Variants in STYX observed in about 807,000 individuals in gnomAD.
STYX encodes the protein serine/threonine/tyrosine interacting protein, also known as serine/threonine/tyrosine-interacting protein.
In STYX, 20 loss-of-function variants were observed where a neutral mutation model predicts 42.7. The observed-to-expected ratio is 0.47, with a 90% CI of 0.33 to 0.68. The LOEUF is 0.68. Among genes scored for constraint, STYX ranks in the 30% least tolerant of loss-of-function variants. The pLI is 0.02. For missense variants in STYX, 226 were observed against 268.5 expected, an observed-to-expected ratio of 0.84 and a Z score of 1.11; for synonymous variants, 78 against 81.9, an observed-to-expected ratio of 0.95 and a Z score of 0.26.
chr14:52,746,499 C>T lies in STYX; in HGVS notation c.144+20C>T, dbSNP rs779325305. On this transcript the variant is annotated intron_variant, in intron 3 of 10. Coordinates refer to ENST00000354586, the MANE Select transcript of STYX (RefSeq NM_145251.4). The stretch of plus-strand genomic sequence containing the variant: ...AGCAAGGTATGAACTTTGTTAGATT[C>T]ATCAAGAGAGACTTTTATTAACCAA... 6.5e-7 allele frequency: 1 copy of T among 1,546,676 alleles called. No individual in the cohort carries two copies. Among genetic ancestry groups the T allele is most frequent in the Non-Finnish European group, 8.6e-7 (1 of 1,157,248 alleles).
chr14:52,746,557 G>A (rs2139896763), intron 3 of STYX, 78 bp downstream of exon 3: 1 of 1,289,012 alleles, frequency 7.8e-7, no homozygotes, highest in East Asian at 2.7e-5. Context: ...GTAATAAAGA[G>A]TTTTATTTTA....
intron 1 of STYX, among the ~76,000 whole-genome samples, chr14:52,741,271 T>G (rs1018688626): frequency 1.3e-5 from 2 of 150,564 alleles, no homozygotes; most frequent in African/African-American, 2.4e-5. Context: ...TGGCTAGATA[T>G]TATAATAGGG....
intron 1 of STYX, among the ~76,000 whole-genome samples, chr14:52,739,140 G>A (rs1489190087): frequency 6.8e-6 from 1 of 147,326 alleles, no homozygotes; most frequent in East Asian, 2.0e-4. Flanking sequence ...TTTTTTTTTG[G>A]TATACACTTT....
At chr14:52,731,492 A>G (rs1170032323) in intron 1 of STYX, 5 of 134,238 alleles carry the variant, frequency 3.7e-5, no homozygotes, top group Admixed American at 8.9e-5. Context: ...CTGGAGTGCA[A>G]TGTGGCGCGA....
chr14:52,764,543 T>C (rs972049201), intron 9 of STYX, among the ~76,000 whole-genome samples: 2 of 152,178 alleles, frequency 1.3e-5, no homozygotes, highest in African/African-American at 4.8e-5. Flanking sequence ...TTATCTATTA[T>C]TATTTCATAT....
At chr14:52,757,954 G>A in intron 8 of STYX, 30 bp downstream of exon 8, 2 of 1,600,556 alleles carry the variant, frequency 1.2e-6, no homozygotes, top group East Asian at 4.5e-5. Context: ...CCTAGCCACA[G>A]TTTAAATTCT....
At chr14:52,763,715 G>A (rs1882188527) in intron 9 of STYX, among the ~76,000 whole-genome samples, 1 of 151,756 alleles carries the variant, frequency 6.6e-6, no homozygotes, top group Non-Finnish European at 1.5e-5. Flanking sequence ...ATTTTTTGAT[G>A]TTTTCTTTGT....
intron 1 of STYX, among the ~76,000 whole-genome samples, chr14:52,732,804 G>A (rs1322478169): frequency 6.6e-6 from 1 of 151,824 alleles, no homozygotes; most frequent in African/African-American, 2.4e-5. Flanking sequence ...CTGAGTAGCT[G>A]GGATTACAGG....
In STYX at chr14:52,730,195, C is replaced by T. The variant is rs1451821923; in HGVS notation, c.-280C>T. The T allele has an allele frequency of 4.0e-6, 2 of 496,844 alleles. No homozygotes were observed. The highest frequency in any genetic ancestry group is 3.4e-5 in the East Asian group (1 of 29,684). 30.8% of individuals were successfully genotyped at this position (496,844 alleles called of 1,614,324 possible). On this transcript the variant is annotated 5_prime_UTR_variant, in exon 1 of 11. Coordinates refer to ENST00000354586, the MANE Select transcript of STYX (RefSeq NM_145251.4). The stretch of plus-strand genomic sequence containing the variant: ...GTCGGGCTGGTTCCTGTGCTGGATC[C>T]TGGGCGGCCTGAGGGGTACGGAGAC...
At chr14:52,735,240 G>T (rs536594877) in intron 1 of STYX, among the ~76,000 whole-genome samples, 1 of 152,062 alleles carries the variant, frequency 6.6e-6, no homozygotes, top group Non-Finnish European at 1.5e-5. Flanking sequence ...TGGCCATCTG[G>T]GGTCACACCT....
Position 52,767,959 on chromosome 14 carries a change from A to G in STYX, c.505-881A>G, listed in dbSNP as rs574140896. On this transcript the variant is annotated intron_variant, in intron 9 of 10. Transcript: ENST00000354586. ...CCAAATTTCACTTCCGCCTTACCAT[A>G]CTTAAACAGCCTGCTGCTTGCAAAA... 5.2e-4 allele frequency among the ~76,000 whole-genome samples: 79 copies of G among 152,234 alleles called. 3 individuals carry two copies. Among genetic ancestry groups the G allele is most frequent in the Non-Finnish European group, 8.8e-5 (6 of 68,016 alleles).
At chr14:52,743,026 C>T (rs979721359) in intron 1 of STYX, among the ~76,000 whole-genome samples, 2 of 151,690 alleles carry the variant, frequency 1.3e-5, no homozygotes, top group Non-Finnish European at 2.9e-5. Context: ...AAATTCCTAA[C>T]CTCAGGTGAT....
rs576835029 is a variant in STYX at position 52,762,770 on chromosome 14, T to G, written c.504+3016T>G. Among the ~76,000 whole-genome samples, 7 of 152,146 alleles carry G rather than the reference T, an allele frequency of 4.6e-5. No homozygotes were observed. The East Asian group carries it at 1.3e-3, about 29-fold the overall frequency. ...ACCATAATGTTTTATCTAATTCAGT[T>G]ATTCATTATTTCATTCATTCATATA... On this transcript the variant is annotated intron_variant, in intron 9 of 10. Coordinates refer to ENST00000354586, the MANE Select transcript of STYX (RefSeq NM_145251.4).
chr14:52,767,515 TTTGAGTAAGACCTAACTGGTTCC>T (rs1366982605), intron 9 of STYX, among the ~76,000 whole-genome samples: 1 of 152,228 alleles, frequency 6.6e-6, no homozygotes, highest in East Asian at 1.9e-4. Context: ...TTGCAAAATC[TTTGAGTAAGACCTAACTGGTTCC>T]TTCTTGATTA....
intron 1 of STYX, among the ~76,000 whole-genome samples, chr14:52,743,836 T>C (rs1485195882): frequency 1.3e-5 from 2 of 152,152 alleles, no homozygotes; most frequent in African/African-American, 4.8e-5. Context: ...TACTATAGTA[T>C]TTTTTTAGAC....
rs980057176 is a variant in STYX at position 52,772,996 on chromosome 14, A to G, written c.*1890A>G. On this transcript the variant is annotated 3_prime_UTR_variant, in exon 11 of 11. Coordinates refer to ENST00000354586, the MANE Select transcript of STYX (RefSeq NM_145251.4). ...ACAGCTTTCCTGTATATAGATCACT[A>G]TTGGGCAGGTCAGCAAAGATCTCTT... 4.6e-5 allele frequency: 7 copies of G among 152,160 alleles called. No homozygotes were observed. Among genetic ancestry groups the G allele is most frequent in the African/African-American group, 1.7e-4 (7 of 41,434 alleles). 9.4% of individuals were successfully genotyped at this position (152,160 alleles called of 1,614,324 possible).
At chr14:52,736,707 A>T (rs1397373377) in intron 1 of STYX, among the ~76,000 whole-genome samples, 3 of 152,120 alleles carry the variant, frequency 2.0e-5, no homozygotes, top group Admixed American at 1.3e-4. Context: ...GGAATTTTTT[A>T]AAAATACTGA....
chr14:52,731,662 C>T (rs1402206327), intron 1 of STYX: 2 of 151,994 alleles, frequency 1.3e-5, no homozygotes, highest in Non-Finnish European at 2.9e-5. Context: ...GTCTCGATCT[C>T]CTGACCTTGT....
chr14:52,738,353 A>G (rs184887166), intron 1 of STYX, among the ~76,000 whole-genome samples: 5 of 152,296 alleles, frequency 3.3e-5, no homozygotes, highest in Admixed American at 2.6e-4. Context: ...TCTTCCATAT[A>G]TATATATATC....
Sources: gnomAD v4.1 joint callset for allele counts (sites outside exome capture counted in the v4.1 genomes callset) on GRCh38, gnomAD v4.1.1 for gene constraint, MANE v1.5 for transcripts, NCBI Gene and HGNC (gene_info 2026-07-23, HGNC 2026-07-21) for gene names.